Variants in TNFRSF8 observed in about 807,000 individuals in gnomAD.
The protein encoded by TNFRSF8 is TNF receptor superfamily member 8.
In TNFRSF8, 26 loss-of-function variants were observed where a neutral mutation model predicts 70.8. The ratio of observed to expected loss-of-function variants is 0.37; its 90% CI spans 0.27 to 0.51. TNFRSF8 has a LOEUF of 0.51. Among genes scored for constraint, TNFRSF8 ranks in the 20% least tolerant of loss-of-function variants. The pLI is 0.94. For synonymous variants in TNFRSF8, 356 were observed against 339.2 expected, an observed-to-expected ratio of 1.05 and a Z score of -0.54; for missense variants, 720 against 807.9, an observed-to-expected ratio of 0.89 and a Z score of 1.32.
intron 4 of TNFRSF8, among the ~76,000 whole-genome samples, chr1:12,105,024 C>T (rs1376750143): frequency 6.6e-6 from 1 of 152,150 alleles, no homozygotes; most frequent in African/African-American, 2.4e-5. Flanking sequence ...ACTTCTACTT[C>T]TCTGATAGTA....
intron 4 of TNFRSF8, among the ~76,000 whole-genome samples, chr1:12,105,527 C>CCTCTCTCTCT (rs36180612): frequency 2.7e-5 from 4 of 145,862 alleles, no homozygotes; most frequent in South Asian, 2.2e-4. Flanking sequence ...TGAATCTGAT[C>CCTCTCTCTCT]CTCTCTCTCT....
Position 12,115,711 on chromosome 1 carries a change from A to T in TNFRSF8, c.928A>T (p.Thr310Ser). The change falls in exon 8 of 15, where the codon ACG becomes TCG. Residue 310 changes from threonine to serine, a missense_variant. Physicochemically the swap from Thr to Ser is moderately conservative, Grantham distance 58. Coordinates refer to ENST00000263932, the MANE Select transcript of TNFRSF8 (RefSeq NM_001243.5). ...CVPYPICAAE[T>S]VTKPQDMAEK... Reference sequence around the variant, plus strand: ...CCCCTACCCAATCTGTGCAGCAGAGACGGTCACCAAGCCCCAGGGTAAGCA... The same window carrying T: ...CCCCTACCCAATCTGTGCAGCAGAGTCGGTCACCAAGCCCCAGGGTAAGCA... 1 of 1,614,054 alleles carries T rather than the reference A, an allele frequency of 6.2e-7. No individual in the cohort carries two copies. The highest frequency in any genetic ancestry group is 8.5e-7 in the Non-Finnish European group (1 of 1,179,984).
chr1:12,137,038 C>T (rs529456957), intron 13 of TNFRSF8, among the ~76,000 whole-genome samples: 85 of 151,992 alleles, frequency 5.6e-4, no homozygotes, highest in African/African-American at 1.6e-3. Flanking sequence ...AGGGCCCTGC[C>T]GCCTTCCGCA....
intron 3 of TNFRSF8, among the ~76,000 whole-genome samples, chr1:12,099,590 T>G (rs1267329484): frequency 1.3e-5 from 2 of 152,028 alleles, no homozygotes; most frequent in African/African-American, 2.4e-5. Context: ...ACTTACAATT[T>G]TTTTGTGTGT....
At chr1:12,111,067 A>C (rs1403435779) in intron 6 of TNFRSF8, among the ~76,000 whole-genome samples, 1 of 152,180 alleles carries the variant, frequency 6.6e-6, no homozygotes, top group Non-Finnish European at 1.5e-5. Flanking sequence ...GTTTTGTAAA[A>C]AAAATGGATT....
intron 4 of TNFRSF8, among the ~76,000 whole-genome samples, chr1:12,106,609 T>C (rs908663348): frequency 6.6e-6 from 1 of 152,078 alleles, no homozygotes; most frequent in African/African-American, 2.4e-5. Context: ...AATTAAGATA[T>C]GGGGACACCT....
intron 4 of TNFRSF8, among the ~76,000 whole-genome samples, chr1:12,106,218 G>A (rs1474159190): frequency 3.9e-5 from 6 of 152,082 alleles, no homozygotes; most frequent in Non-Finnish European, 8.8e-5. Context: ...CACTCTCTGG[G>A]CTCCACCTGC....
At chr1:12,126,327 C>G (rs1247244056) in intron 12 of TNFRSF8, 91 bp downstream of exon 12, 1 of 1,461,840 alleles carries the variant, frequency 6.8e-7, no homozygotes, top group Non-Finnish European at 9.6e-7. Flanking sequence ...GACTGAACTT[C>G]TACCCCAGCC....
intron 4 of TNFRSF8, among the ~76,000 whole-genome samples, chr1:12,105,884 A>G (rs1360167694): frequency 6.7e-6 from 1 of 148,430 alleles, no homozygotes; most frequent in African/African-American, 2.5e-5. Flanking sequence ...GGTTGCAGTG[A>G]GCTGAGATTG....
Position 12,134,513 on chromosome 1 carries a change from A to G in TNFRSF8, c.1310-1075A>G, listed in dbSNP as rs1447701214. The stretch of plus-strand genomic sequence containing the variant: ...CTGTTTAATATGGGAGAACAATGGG[A>G]GTGGAGGGTAGAGGTTTGAGATGAG... On this transcript the variant is annotated intron_variant, in intron 12 of 14. Transcript: ENST00000263932. Among the ~76,000 whole-genome samples the G allele has an allele frequency of 2.0e-5, 3 of 152,034 alleles. No homozygotes were observed. In the East Asian group the frequency reaches 5.8e-4, roughly 29 times the overall value.
intron 3 of TNFRSF8, among the ~76,000 whole-genome samples, chr1:12,097,895 A>G (rs573516748): frequency 5.9e-5 from 9 of 152,150 alleles, no homozygotes; most frequent in Non-Finnish European, 1.2e-4. Flanking sequence ...ATATCTATTA[A>G]GTTAAGCTTG....
chr1:12,116,633 T>C (rs879831838), intron 8 of TNFRSF8, among the ~76,000 whole-genome samples: 2 of 151,978 alleles, frequency 1.3e-5, no homozygotes, highest in Non-Finnish European at 2.9e-5. Flanking sequence ...AAACCCCGTC[T>C]CTACTAAAAA....
rs577341338 is a variant in TNFRSF8 at position 12,080,408 on chromosome 1, G to A, written c.64-4056G>A. 1.7e-5 allele frequency: 9 copies of A among 526,114 alleles called. No individual in the cohort carries two copies. The African/African-American group carries it at 1.7e-4, about 10-fold the overall frequency. 32.6% of individuals were successfully genotyped at this position (526,114 alleles called of 1,614,324 possible). On this transcript the variant is annotated intron_variant, in intron 1 of 14. Transcript: ENST00000263932. The stretch of plus-strand genomic sequence containing the variant: ...AGCCTGTTTGCTCTGGTACTTGTTG[G>A]CTTTAACATCCACAGTGAATACAAG...
intron 1 of TNFRSF8, chr1:12,080,274 C>T (rs1379752580): frequency 7.7e-6 from 4 of 522,032 alleles, no homozygotes; most frequent in Non-Finnish European, 1.5e-5. Context: ...TTGTTGGCAA[C>T]ATCCAAAGCA....
chr1:12,132,837 CAAAAA>C (rs55643235), intron 12 of TNFRSF8, among the ~76,000 whole-genome samples: 3 of 74,438 alleles, frequency 4.0e-5, no homozygotes, highest in African/African-American at 9.9e-5. Flanking sequence ...GACTCCATCT[CAAAAA>C]AAAAAAAAAA....
At chr1:12,074,848 T>C (rs1640910842) in intron 1 of TNFRSF8, among the ~76,000 whole-genome samples, 1 of 151,716 alleles carries the variant, frequency 6.6e-6, no homozygotes, top group Non-Finnish European at 1.5e-5. Flanking sequence ...GAGTGCAGTG[T>C]TGCAATCATA....
chr1:12,120,253 TC>T (rs1641806419), intron 8 of TNFRSF8, among the ~76,000 whole-genome samples: 1 of 152,146 alleles, frequency 6.6e-6, no homozygotes. Context: ...CAGCACTCCA[TC>T]CTAGCAGAGC....
At chr1:12,103,374 A>T (rs2100993991) in intron 3 of TNFRSF8, among the ~76,000 whole-genome samples, 1 of 152,204 alleles carries the variant, frequency 6.6e-6, no homozygotes, top group East Asian at 1.9e-4. Context: ...AAAATTAATA[A>T]ACTATTTCTT....
Position 12,084,449 on chromosome 1 carries a change from TTTC to T in TNFRSF8, c.64-13_64-11del. ...TGGGATCCACCTGGCCTCACCAGCT[TTTC>T]TGACCTGCCAGGATCGACCCTTCGA... is the stretch of plus-strand genomic sequence containing the variant. On this transcript the variant is annotated splice_polypyrimidine_tract_variant and intron_variant, in intron 1 of 14. Coordinates refer to ENST00000263932, the MANE Select transcript of TNFRSF8 (RefSeq NM_001243.5). 6.2e-7 allele frequency: 1 copy of T among 1,613,816 alleles called. No homozygotes were observed. The highest frequency in any genetic ancestry group is 1.1e-5 in the South Asian group (1 of 91,066).
Sources: gnomAD v4.1 joint callset for allele counts (sites outside exome capture counted in the v4.1 genomes callset) on GRCh38, gnomAD v4.1.1 for gene constraint, MANE v1.5 for transcripts, NCBI Gene and HGNC (gene_info 2026-07-23, HGNC 2026-07-21) for gene names.